The following VPS50 variants were observed in gnomAD, a reference collection of about 807,000 sequenced individuals.
VPS50 encodes the protein VPS50 subunit of EARP/GARPII complex, also known as syndetin.
VPS50 carries 70 observed loss-of-function variants against 139.7 expected under a neutral mutation model. That is an observed-to-expected ratio of 0.50 (90% CI 0.41 to 0.61). The LOEUF (loss-of-function observed/expected upper bound fraction) is 0.61. Ranked by LOEUF, VPS50 falls within the 20% of genes least tolerant of loss-of-function variation. The probability of loss-of-function intolerance (pLI) is 0.00; values close to 1 mark genes in which losing one functional copy is unlikely to be tolerated. For missense variants in VPS50, 921 were observed against 1,133.7 expected (o/e 0.81, Z 2.69); for synonymous variants, 365 against 376.7 (o/e 0.97, Z 0.36).
chr7:93,326,192 C>G (rs1289969788), intron 21 of VPS50, among the ~76,000 whole-genome samples: 1 of 149,234 alleles, frequency 6.7e-6, no homozygotes, highest in Non-Finnish European at 1.5e-5. Flanking sequence ...TAAACTATCA[C>G]AAGGACAAAA....
intron 4 of VPS50, among the ~76,000 whole-genome samples, chr7:93,255,703 C>T (rs988394410): frequency 1.3e-5 from 2 of 152,108 alleles, no homozygotes; most frequent in South Asian, 2.1e-4. Context: ...AATTAATGTA[C>T]GTAATTTCAA....
At chr7:93,247,086 CATG>C (rs1263230253) in intron 2 of VPS50, among the ~76,000 whole-genome samples, 4 of 151,866 alleles carry the variant, frequency 2.6e-5, no homozygotes, top group Non-Finnish European at 4.4e-5. Context: ...TTATCTCAGA[CATG>C]ATCAAAATAG....
chr7:93,293,604 A>G (rs546759681), intron 13 of VPS50, among the ~76,000 whole-genome samples: 1 of 152,326 alleles, frequency 6.6e-6, no homozygotes, highest in East Asian at 1.9e-4. Flanking sequence ...ATTGAAAATT[A>G]CTTTTCATGG....
At chr7:93,262,027 T>C (rs1306502535) in intron 9 of VPS50, among the ~76,000 whole-genome samples, 2 of 152,136 alleles carry the variant, frequency 1.3e-5, no homozygotes, top group African/African-American at 2.4e-5. Context: ...TGAGGACAGA[T>C]GCAGAATTAA....
At chr7:93,267,852 G>A (rs766867470) in intron 9 of VPS50, among the ~76,000 whole-genome samples, 333 of 152,258 alleles carry the variant, frequency 2.2e-3, no homozygotes, top group Non-Finnish European at 3.5e-3. Context: ...TAAAATATAG[G>A]CATTAAGAAG....
intron 22 of VPS50, among the ~76,000 whole-genome samples, chr7:93,340,278 T>C (rs1385571344): frequency 6.6e-6 from 1 of 152,210 alleles, no homozygotes; most frequent in Non-Finnish European, 1.5e-5. Context: ...AAGGGAAACT[T>C]AGTCACCAAA....
intron 14 of VPS50, among the ~76,000 whole-genome samples, chr7:93,295,144 G>T (rs1393895109): frequency 1.3e-5 from 2 of 152,054 alleles, no homozygotes; most frequent in Non-Finnish European, 2.9e-5. Context: ...GTCCATTTGG[G>T]CTCCTATAAC....
rs201054996 is a variant in VPS50 at position 93,296,745 on chromosome 7, G to A, written c.1171G>A (p.Val391Ile). The A allele has an allele frequency of 3.4e-5, 55 of 1,600,650 alleles. No individual in the cohort carries two copies. In the African/African-American group the frequency reaches 4.9e-4, roughly 14 times the overall value. ...TTTCTTTTTCTTTGCCTTACAGGAT[G>A]TTCAGCTAAAAGTAAAAACCTACTT... ...EHGLTRIWQD[V>I]QLKVKTYLLG... The change falls in exon 15 of 28, where the codon GTT (valine) becomes ATT (isoleucine). Residue 391 changes from valine (V) to isoleucine (I), a missense_variant. Physicochemically the swap from Val to Ile is conservative, Grantham distance 29 (BLOSUM62 3). Coordinates refer to ENST00000305866, the MANE Select transcript of VPS50 (RefSeq NM_017667.4).
At chr7:93,306,201 A>T (rs1797111809) in intron 18 of VPS50, among the ~76,000 whole-genome samples, 197 bp downstream of exon 18, 1 of 151,800 alleles carries the variant, frequency 6.6e-6, no homozygotes, top group South Asian at 2.1e-4. Context: ...TTGAATAGTA[A>T]ATTTTCCCTT....
chr7:93,275,536 C>G (rs961887075), intron 11 of VPS50, among the ~76,000 whole-genome samples: 1 of 151,990 alleles, frequency 6.6e-6, no homozygotes, highest in Non-Finnish European at 1.5e-5. Flanking sequence ...TAAATTTTAG[C>G]AATTTTTTAA....
intron 9 of VPS50, among the ~76,000 whole-genome samples, chr7:93,268,504 A>C (rs1268720225): frequency 6.6e-6 from 1 of 151,646 alleles, no homozygotes; most frequent in Non-Finnish European, 1.5e-5. Flanking sequence ...GATAGGCCCC[A>C]CTGTGTTGTT....
chr7:93,298,129 A>G (rs1796865575), intron 16 of VPS50, among the ~76,000 whole-genome samples: 1 of 152,162 alleles, frequency 6.6e-6, no homozygotes, highest in African/African-American at 2.4e-5. Flanking sequence ...TATATATTTG[A>G]ATACAAGTTA....
At chr7:93,264,856 C>G (rs1335486179) in intron 9 of VPS50, among the ~76,000 whole-genome samples, 1 of 152,138 alleles carries the variant, frequency 6.6e-6, no homozygotes, top group Non-Finnish European at 1.5e-5. Flanking sequence ...GTTGCCAGGC[C>G]TTCTAGCTTG....
intron 22 of VPS50, among the ~76,000 whole-genome samples, chr7:93,341,082 G>T (rs371036266): frequency 6.6e-6 from 1 of 152,266 alleles, no homozygotes; most frequent in East Asian, 1.9e-4. Flanking sequence ...GGTTCTCAAG[G>T]GGTAATCATA....
At chr7:93,254,402 T>A (rs903457096) in intron 4 of VPS50, among the ~76,000 whole-genome samples, 3 of 152,208 alleles carry the variant, frequency 2.0e-5, no homozygotes, top group African/African-American at 7.2e-5. Flanking sequence ...CCTGAGTAGT[T>A]GGGATTACAG....
chr7:93,313,863 G>A (rs1294801923), intron 20 of VPS50, among the ~76,000 whole-genome samples: 1 of 152,100 alleles, frequency 6.6e-6, no homozygotes, highest in Non-Finnish European at 1.5e-5. Flanking sequence ...ATCTTTTACT[G>A]GACTTGCAAT....
chr7:93,290,213 T>G (rs1796609848), intron 12 of VPS50, among the ~76,000 whole-genome samples: 1 of 152,076 alleles, frequency 6.6e-6, no homozygotes. Flanking sequence ...TTTTATGTCA[T>G]TAGCGGATAT....
intron 20 of VPS50, among the ~76,000 whole-genome samples, chr7:93,321,967 A>G (rs1039794241): frequency 2.0e-5 from 3 of 152,234 alleles, no homozygotes; most frequent in Non-Finnish European, 2.9e-5. Flanking sequence ...CTGCATAATG[A>G]TCCAGAGTGT....
Position 93,323,594 on chromosome 7 carries a change from T to A in VPS50, c.1856-17T>A. On this transcript the variant is annotated splice_polypyrimidine_tract_variant and intron_variant, in intron 20 of 27. Coordinates refer to ENST00000305866, the MANE Select transcript of VPS50 (RefSeq NM_017667.4). The stretch of plus-strand genomic sequence containing the variant: ...TAATTTTGTTCTGCTTAATTTTTTA[T>A]TCTTTTTTCTTTTCAGGAAAATATA... 8.7e-7 allele frequency: 1 copy of A among 1,149,144 alleles called. No individual in the cohort carries two copies. Among genetic ancestry groups the A allele is most frequent in the Non-Finnish European group, 1.2e-6 (1 of 854,170 alleles). 71.2% of individuals were successfully genotyped at this position (1,149,144 alleles called of 1,614,324 possible).
Sources: allele counts gnomAD v4.1 joint callset (sites outside exome capture counted in the v4.1 genomes callset), GRCh38; gene constraint gnomAD v4.1.1; transcripts MANE v1.5; gene names NCBI Gene and HGNC (gene_info 2026-07-23, HGNC 2026-07-21).